UBE3A: variants seen among roughly 807,000 people sequenced by gnomAD.
The protein encoded by UBE3A is ubiquitin protein ligase E3A.
Under a neutral mutation model 83.4 loss-of-function variants are expected in UBE3A, and 6 were observed. The ratio of observed to expected loss-of-function variants is 0.07; its 90% CI spans 0.04 to 0.14. The LOEUF (loss-of-function observed/expected upper bound fraction) is 0.14, where lower values mean the gene tolerates loss of function less well. UBE3A is among the 10% of genes least tolerant of loss of function. The pLI, the probability that UBE3A is intolerant of heterozygous loss-of-function variation, is 1.00. For missense variants in UBE3A, 456 were observed against 1,036.1 expected (o/e 0.44, Z 7.69); for synonymous variants, 337 against 355.4 (o/e 0.95, Z 0.58).
chr15:25,404,186 G>A (rs1011655616), intron 4 of UBE3A, among the ~76,000 whole-genome samples: 1 of 152,008 alleles, frequency 6.6e-6, no homozygotes, highest in African/African-American at 2.4e-5. Context: ...GTCGTTTCTT[G>A]CAGATTCACA....
In UBE3A at chr15:25,337,853, G is replaced by C. The variant is rs1328709800; in HGVS notation, c.*1284C>G. On this transcript the variant is annotated 3_prime_UTR_variant, in exon 13 of 13. Transcript: ENST00000648336. ...ACATACACAGAAGACTAGGAAAGGG[G>C]AAACTACTTACTTCTGGAAATCAGT... 3.3e-5 allele frequency: 5 copies of C among 152,108 alleles called. No homozygotes were observed. Among genetic ancestry groups the C allele is most frequent in the African/African-American group, 7.2e-5 (3 of 41,442 alleles). 9.4% of individuals were successfully genotyped at this position (152,108 alleles called of 1,614,324 possible).
chr15:25,394,152 T>C (rs1225272591), intron 4 of UBE3A, among the ~76,000 whole-genome samples: 3 of 152,202 alleles, frequency 2.0e-5, no homozygotes, highest in Non-Finnish European at 1.5e-5. Context: ...TATTCTATTA[T>C]ATATAATAAC....
chr15:25,386,889 A>T (rs887069815), intron 4 of UBE3A, among the ~76,000 whole-genome samples: 1 of 152,190 alleles, frequency 6.6e-6, no homozygotes, highest in Non-Finnish European at 1.5e-5. Flanking sequence ...GACAAAAATT[A>T]AGGAAATTTG....
At chr15:25,339,791 A>AT in intron 12 of UBE3A, 1 of 425,452 alleles carries the variant, frequency 2.4e-6, no homozygotes, top group South Asian at 2.2e-5. Flanking sequence ...TTCTAAATAG[A>AT]TGATCATGTT....
intron 11 of UBE3A, among the ~76,000 whole-genome samples, chr15:25,344,125 C>T (rs887736250): frequency 9.9e-5 from 15 of 152,180 alleles, no homozygotes; most frequent in African/African-American, 9.7e-5. Context: ...CTTAATGATA[C>T]TTTACATATG....
rs2073996170 is a variant in UBE3A at position 25,337,034 on chromosome 15, C to A, written c.*2103G>T. 1 of 152,068 alleles carries A rather than the reference C, an allele frequency of 6.6e-6. No individual in the cohort carries two copies. The highest frequency in any genetic ancestry group is 1.5e-5 in the Non-Finnish European group (1 of 68,018). 9.4% of individuals were successfully genotyped at this position (152,068 alleles called of 1,614,324 possible). A position where few individuals can be genotyped will look rare whatever the true frequency, so the allele number is the denominator to read the frequency against. On this transcript the variant is annotated 3_prime_UTR_variant, in exon 13 of 13. Coordinates refer to ENST00000648336, the MANE Select transcript of UBE3A (RefSeq NM_130839.5). ...CCCGGCATAATTAAGCAAGCTAGAG[C>A]AGCTATTCTGTGCAACCGACGATTT...
At chr15:25,400,541 G>C (rs946812455) in intron 4 of UBE3A, among the ~76,000 whole-genome samples, 2 of 152,146 alleles carry the variant, frequency 1.3e-5, no homozygotes, top group Non-Finnish European at 2.9e-5. Flanking sequence ...CTGATACTGG[G>C]AGCCACTGCA....
intron 4 of UBE3A, among the ~76,000 whole-genome samples, chr15:25,391,290 C>G (rs895702523): frequency 6.6e-6 from 1 of 152,120 alleles, no homozygotes; most frequent in African/African-American, 2.4e-5. Context: ...GTAGCCAAAA[C>G]AGTCAAATTT....
At chr15:25,340,369 T>A in intron 11 of UBE3A, 141 bp from the exon 12 acceptor site, 1 of 1,057,790 alleles carries the variant, frequency 9.5e-7, no homozygotes, top group Non-Finnish European at 1.4e-6. Flanking sequence ...TCTGGTGATT[T>A]AAAAATTTCC....
chr15:25,403,014 T>C (rs992786936), intron 4 of UBE3A, among the ~76,000 whole-genome samples: 11 of 152,198 alleles, frequency 7.2e-5, no homozygotes, highest in African/African-American at 9.7e-5. Context: ...CCACAGCATA[T>C]AAATTCAAAT....
In UBE3A at chr15:25,375,486, C is replaced by T. The variant is rs1425885137; in HGVS notation, c.340G>A (p.Gly114Ser). Residue 114 changes from glycine to serine, a missense_variant, in exon 5 of 13, where the codon GGC becomes AGC. Physicochemically the swap from Gly to Ser is moderately conservative, Grantham distance 56 (BLOSUM62 0). Around this residue, in one of 13 missense-constraint regions of UBE3A, gnomAD observed 36 missense variants for 28.5 expected, o/e 1.26. Coordinates refer to ENST00000648336, the MANE Select transcript of UBE3A (RefSeq NM_130839.5). ...SCSEIKMNKK[G>S]ARIDFKDVTY... ...TTACCTTTAAAATCAATTCTAGCGC[C>T]TTTCTTGTTCATTTTTATCTCAGAG... The T allele has an allele frequency of 6.2e-7, 1 of 1,614,088 alleles. No homozygotes were observed. The highest frequency in any genetic ancestry group is 1.3e-5 in the African/African-American group (1 of 75,032).
intron 11 of UBE3A, among the ~76,000 whole-genome samples, chr15:25,343,519 G>C (rs1177683950): frequency 6.6e-6 from 1 of 152,028 alleles, no homozygotes; most frequent in East Asian, 1.9e-4. Context: ...AGAAGAAGCA[G>C]TATGACTAAA....
intron 7 of UBE3A, 39 bp from the exon 8 acceptor site, chr15:25,356,935 TTTTA>T: frequency 1.3e-6 from 2 of 1,529,350 alleles, no homozygotes; most frequent in Middle Eastern, 1.8e-4. Context: ...TACTTTTGTA[TTTTA>T]TTAAGGACTG....
At chr15:25,354,092 C>A in intron 11 of UBE3A, 1 of 533,966 alleles carries the variant, frequency 1.9e-6, no homozygotes. Context: ...ATACTCTAAC[C>A]AGTGAGGAAT....
chr15:25,419,870 A>G (rs1423859411), intron 1 of UBE3A, among the ~76,000 whole-genome samples: 2 of 152,118 alleles, frequency 1.3e-5, no homozygotes, highest in South Asian at 2.1e-4. Context: ...TGTAAATCCT[A>G]GAAGTATCAC....
At chr15:25,395,691 A>G (rs2085393255) in intron 4 of UBE3A, among the ~76,000 whole-genome samples, 1 of 152,236 alleles carries the variant, frequency 6.6e-6, no homozygotes, top group Admixed American at 6.5e-5. Flanking sequence ...AAATCAGTCT[A>G]CAGTTCAGAG....
At chr15:25,434,965 T>TACAC (rs1416576143) in intron 1 of UBE3A, among the ~76,000 whole-genome samples, 1 of 20,358 alleles carries the variant, frequency 4.9e-5, no homozygotes, top group African/African-American at 1.0e-4. Context: ...AAATTCTATA[T>TACAC]ACATACACAC....
intron 4 of UBE3A, among the ~76,000 whole-genome samples, chr15:25,389,554 G>A (rs1433957939): frequency 1.3e-5 from 2 of 152,136 alleles, no homozygotes; most frequent in Non-Finnish European, 2.9e-5. Flanking sequence ...CACAGATAGG[G>A]AGGAAATATT....
intron 11 of UBE3A, among the ~76,000 whole-genome samples, chr15:25,353,008 T>A (rs1055599605): frequency 2.5e-4 from 38 of 152,252 alleles, no homozygotes; most frequent in African/African-American, 8.4e-4. Context: ...GCACAAGATA[T>A]GTTCAACTAT....
Sources: allele counts gnomAD v4.1 joint callset (sites outside exome capture counted in the v4.1 genomes callset), GRCh38; gene constraint gnomAD v4.1.1; regional missense constraint gnomAD v4.1.1; transcripts MANE v1.5; gene names NCBI Gene and HGNC (gene_info 2026-07-23, HGNC 2026-07-21).